LINGO2: variants seen among roughly 807,000 people sequenced by gnomAD.
LINGO2 encodes the protein leucine-rich repeat and immunoglobulin-like domain-containing nogo receptor-interacting protein 2.
A neutral mutation model predicts 30.6 loss-of-function variants in LINGO2; 14 were observed. The ratio of observed to expected loss-of-function variants is 0.46; its 90% CI spans 0.30 to 0.72. The LOEUF (loss-of-function observed/expected upper bound fraction) is 0.72. LINGO2 is among the 30% of genes least tolerant of loss of function. LINGO2 has a pLI of 0.07. For missense variants in LINGO2, 729 were observed against 751.7 expected (o/e 0.97, Z 0.35); for synonymous variants, 317 against 288.5 (o/e 1.10, Z -1.00).
At chr9:28,309,428 G>C (rs1478086997) in intron 3 of LINGO2, among the ~76,000 whole-genome samples, 1 of 150,522 alleles carries the variant, frequency 6.6e-6, no homozygotes, top group Non-Finnish European at 1.5e-5. Context: ...TCTGGGGACT[G>C]TTGTGGGGTG....
chr9:29,125,034 G>A, the LINGO2 span, among the ~76,000 whole-genome samples: 1 of 152,108 alleles, frequency 6.6e-6, no homozygotes, highest in Non-Finnish European at 1.5e-5. Context: ...TGATAGACTG[G>A]ATAAAGAAAA....
the LINGO2 span, among the ~76,000 whole-genome samples, chr9:29,075,506 G>A: frequency 4.2e-4 from 64 of 152,092 alleles, no homozygotes; most frequent in African/African-American, 1.4e-3. Flanking sequence ...CCACAATACC[G>A]TTTCTTTTAT....
At chr9:29,126,480 C>G in the LINGO2 span, among the ~76,000 whole-genome samples, 2 of 152,036 alleles carry the variant, frequency 1.3e-5, no homozygotes, top group African/African-American at 2.4e-5. Context: ...AATCTCAATA[C>G]AGAAATATTT....
At chr9:28,039,501 T>G (rs1271816106) in intron 4 of LINGO2, among the ~76,000 whole-genome samples, 1 of 152,098 alleles carries the variant, frequency 6.6e-6, no homozygotes, top group African/African-American at 2.4e-5. Context: ...AGGATGAGTG[T>G]AACAGGTGTG....
At chr9:28,928,033 A>AAAT in the LINGO2 span, among the ~76,000 whole-genome samples, 1 of 152,230 alleles carries the variant, frequency 6.6e-6, no homozygotes, top group Non-Finnish European at 1.5e-5. Context: ...TGTCTTATTT[A>AAAT]GTCTTTGCAA....
the LINGO2 span, among the ~76,000 whole-genome samples, chr9:28,985,424 T>G: frequency 6.6e-6 from 1 of 152,066 alleles, no homozygotes; most frequent in Non-Finnish European, 1.5e-5. Context: ...ATTTTAGCTT[T>G]TTGAGAATCC....
chr9:28,848,214 A>G, the LINGO2 span, among the ~76,000 whole-genome samples: 1 of 91,630 alleles, frequency 1.1e-5, no homozygotes, highest in Non-Finnish European at 1.9e-5. Context: ...TATATATACT[A>G]TATATACGCA....
intron 4 of LINGO2, among the ~76,000 whole-genome samples, chr9:28,086,159 C>T (rs1434344881): frequency 1.3e-5 from 2 of 152,020 alleles, no homozygotes; most frequent in Admixed American, 1.3e-4. Context: ...TTATGTCATA[C>T]TACAAGCATA....
upstream of LINGO2, among the ~76,000 whole-genome samples, chr9:28,675,088 T>C (rs946184886): frequency 2.0e-5 from 3 of 152,180 alleles, no homozygotes; most frequent in Non-Finnish European, 1.5e-5. Context: ...TACCTAGATA[T>C]GATACCTAGT....
At position 28,388,080 on chromosome 9, in the gene LINGO2, T is replaced by C. The variant is rs116936419; in HGVS notation, c.-278-15212A>G. 6.8e-4 allele frequency among the ~76,000 whole-genome samples: 103 copies of C among 152,280 alleles called. 1 individual carries two copies. The East Asian group carries it at 0.015, about 22-fold the overall frequency. ...ACCCACCAAAGGTATAAAATAAACA[T>C]AGTGCTTTATCATTCCCTCACTGTT... On this transcript the variant is annotated intron_variant, in intron 2 of 5. Coordinates refer to ENST00000379992, the Ensembl canonical transcript of LINGO2.
intron 4 of LINGO2, among the ~76,000 whole-genome samples, chr9:28,213,421 T>A (rs1820661409): frequency 6.6e-6 from 1 of 151,410 alleles, no homozygotes; most frequent in Non-Finnish European, 1.5e-5. Context: ...GATCAAACAA[T>A]TTCAAGGAAA....
At chr9:28,248,174 TG>T (rs1361192273) in intron 4 of LINGO2, among the ~76,000 whole-genome samples, 1 of 152,206 alleles carries the variant, frequency 6.6e-6, no homozygotes, top group East Asian at 1.9e-4. Flanking sequence ...ATCACAGCAC[TG>T]TTCACAATAG....
At chr9:29,128,291 T>C in the LINGO2 span, among the ~76,000 whole-genome samples, 2 of 152,084 alleles carry the variant, frequency 1.3e-5, no homozygotes, top group Non-Finnish European at 2.9e-5. Context: ...GGTTCTGAGG[T>C]CTAGTACTAA....
chr9:28,347,228 A>C (rs1245088198), intron 3 of LINGO2, among the ~76,000 whole-genome samples: 1 of 152,222 alleles, frequency 6.6e-6, no homozygotes, highest in African/African-American at 2.4e-5. Flanking sequence ...TTCAGCAAAA[A>C]TTATTAAACC....
chr9:28,803,343 T>G, the LINGO2 span, among the ~76,000 whole-genome samples: 1 of 151,838 alleles, frequency 6.6e-6, no homozygotes, highest in Non-Finnish European at 1.5e-5. Context: ...GTGTATACTA[T>G]CATGTATTTA....
the LINGO2 span, among the ~76,000 whole-genome samples, chr9:28,993,922 G>A: frequency 6.6e-6 from 1 of 151,826 alleles, no homozygotes; most frequent in Non-Finnish European, 1.5e-5. Context: ...TACTGAATGG[G>A]CAAAAACTGG....
intron 4 of LINGO2, among the ~76,000 whole-genome samples, chr9:28,217,111 T>C (rs961150219): frequency 6.7e-6 from 1 of 150,282 alleles, no homozygotes. Flanking sequence ...TAATATGTAA[T>C]ATACTAAATG....
chr9:29,097,712 C>T, the LINGO2 span, among the ~76,000 whole-genome samples: 4 of 138,166 alleles, frequency 2.9e-5, 1 homozygote, highest in Admixed American at 2.2e-4. Flanking sequence ...TGGTAAGAAT[C>T]GCTTGGTAGT....
chr9:29,198,335 A>C, the LINGO2 span, among the ~76,000 whole-genome samples: 1 of 152,178 alleles, frequency 6.6e-6, no homozygotes, highest in Non-Finnish European at 1.5e-5. Flanking sequence ...ATAAGCCAGC[A>C]TCCTTTGCAG....
Sources: gnomAD v4.1 joint callset for allele counts (sites outside exome capture counted in the v4.1 genomes callset) on GRCh38, gnomAD v4.1.1 for gene constraint, MANE v1.5 for transcripts, NCBI Gene and HGNC (gene_info 2026-07-23, HGNC 2026-07-21) for gene names.